SNTG1: variants seen among roughly 807,000 people sequenced by gnomAD.
SNTG1 encodes the protein gamma-1-syntrophin.
In SNTG1, 39 loss-of-function variants were observed where a neutral mutation model predicts 74.7. That is an observed-to-expected ratio of 0.52 (90% CI 0.40 to 0.68). The LOEUF is 0.68. Among genes scored for constraint, SNTG1 ranks in the 30% least tolerant of loss-of-function variants. SNTG1 has a pLI of 0.00. For synonymous variants in SNTG1, 254 were observed against 217.1 expected (o/e 1.17, Z -1.49); for missense variants, 685 against 609.5 (o/e 1.12, Z -1.30).
At chr8:50,045,297 A>G (rs1818985239) in intron 1 of SNTG1, among the ~76,000 whole-genome samples, 1 of 152,202 alleles carries the variant, frequency 6.6e-6, no homozygotes, top group East Asian at 1.9e-4. Context: ...ATCTGCTTCT[A>G]GTGAGAGCCT....
chr8:50,631,389 T>G (rs564463327), intron 13 of SNTG1, among the ~76,000 whole-genome samples: 1 of 152,322 alleles, frequency 6.6e-6, no homozygotes, highest in South Asian at 2.1e-4. Context: ...CTGATTATAT[T>G]ACATTATATT....
chr8:50,381,286 T>A (rs372860647), intron 2 of SNTG1, among the ~76,000 whole-genome samples: 1 of 151,942 alleles, frequency 6.6e-6, no homozygotes, highest in Non-Finnish European at 1.5e-5. Flanking sequence ...CTTTTATCCA[T>A]GGATACAGAA....
intron 2 of SNTG1, among the ~76,000 whole-genome samples, chr8:50,301,535 A>T (rs1270101084): frequency 2.0e-5 from 3 of 152,048 alleles, no homozygotes; most frequent in Admixed American, 6.6e-5. Context: ...ACAATAATTG[A>T]TTTGGAGTCT....
At chr8:50,366,744 T>C (rs961797184) in intron 2 of SNTG1, among the ~76,000 whole-genome samples, 2 of 146,646 alleles carry the variant, frequency 1.4e-5, no homozygotes, top group East Asian at 3.9e-4. Flanking sequence ...TGAATACATA[T>C]ATTTTATATA....
rs574140321 is a variant in SNTG1 at position 50,536,455 on chromosome 8, G to A, written c.550-223G>A. ...AAATACGTTTTCACTAGCACTCTTA[G>A]TCTCAATGATTCCTTTCTTAACTTC... On this transcript the variant is annotated intron_variant, in intron 10 of 18. Transcript: ENST00000642720. Among the ~76,000 whole-genome samples, 610 of 152,098 alleles carry A rather than the reference G, an allele frequency of 4.0e-3. 5 individuals are homozygous for A. The highest frequency in any genetic ancestry group is 7.0e-3 in the Non-Finnish European group (477 of 67,994).
chr8:50,789,728 A>G (rs561348278), intron 18 of SNTG1, among the ~76,000 whole-genome samples: 12 of 151,954 alleles, frequency 7.9e-5, no homozygotes, highest in Admixed American at 2.0e-4. Flanking sequence ...TTTCAATCCA[A>G]TTCTCATAAA....
intron 2 of SNTG1, among the ~76,000 whole-genome samples, chr8:50,257,060 C>G (rs768793539): frequency 4.6e-5 from 7 of 151,824 alleles, no homozygotes; most frequent in Non-Finnish European, 5.9e-5. Flanking sequence ...AGAGGCACAC[C>G]CACCAGCATG....
At chr8:50,139,424 G>A (rs1423159042) in intron 1 of SNTG1, among the ~76,000 whole-genome samples, 1 of 152,200 alleles carries the variant, frequency 6.6e-6, no homozygotes, top group Non-Finnish European at 1.5e-5. Context: ...TAAGCTTTTA[G>A]GCTTTAACCC....
At chr8:50,098,249 T>C (rs561521999) in intron 1 of SNTG1, among the ~76,000 whole-genome samples, 1 of 152,212 alleles carries the variant, frequency 6.6e-6, no homozygotes, top group Non-Finnish European at 1.5e-5. Flanking sequence ...TGCCAACTAA[T>C]TTATCCCAAT....
At chr8:50,345,179 T>G (rs1050062342) in intron 2 of SNTG1, among the ~76,000 whole-genome samples, 2 of 152,314 alleles carry the variant, frequency 1.3e-5, no homozygotes, top group African/African-American at 4.8e-5. Flanking sequence ...ATCAAAGAGA[T>G]AAGTTATCCC....
At chr8:50,454,102 TC>T (rs2093480640) in intron 8 of SNTG1, among the ~76,000 whole-genome samples, 1 of 152,220 alleles carries the variant, frequency 6.6e-6, no homozygotes, top group African/African-American at 2.4e-5. Context: ...CTGATGCTAT[TC>T]TCCTTACCAC....
intron 13 of SNTG1, among the ~76,000 whole-genome samples, chr8:50,655,398 C>T (rs2095173787): frequency 6.6e-6 from 1 of 152,084 alleles, no homozygotes; most frequent in African/African-American, 2.4e-5. Flanking sequence ...GTTATTATAG[C>T]TGGTTCTTAT....
rs1817624211 is a variant in SNTG1 at position 50,030,157 on chromosome 8, A to G, written c.-103+117926A>G. Among the ~76,000 whole-genome samples, 2 of 152,106 alleles carry G rather than the reference A, an allele frequency of 1.3e-5. 1 individual carries two copies. The highest frequency in any genetic ancestry group is 4.1e-4 in the South Asian group (2 of 4,830). On this transcript the variant is annotated intron_variant, in intron 1 of 18. Transcript: ENST00000642720. ...CCAGTTGTATGTCTTCTTTTGAGAAATGTCTATTCACATCTTTTGCCCAAT... is the reference window on the plus strand; with the variant it reads ...CCAGTTGTATGTCTTCTTTTGAGAAGTGTCTATTCACATCTTTTGCCCAAT...
At chr8:49,987,794 G>T (rs559005669) in intron 1 of SNTG1, among the ~76,000 whole-genome samples, 2 of 151,660 alleles carry the variant, frequency 1.3e-5, no homozygotes, top group Non-Finnish European at 2.9e-5. Context: ...GACTACAGGC[G>T]CCCGCCACCA....
intron 10 of SNTG1, among the ~76,000 whole-genome samples, chr8:50,532,851 G>A (rs1339309800): frequency 1.3e-5 from 2 of 152,164 alleles, no homozygotes; most frequent in Non-Finnish European, 2.9e-5. Flanking sequence ...ATTTTCTGAT[G>A]TGTGTTAATT....
chr8:50,364,160 G>A (rs2092041827), intron 2 of SNTG1, among the ~76,000 whole-genome samples: 1 of 152,134 alleles, frequency 6.6e-6, no homozygotes, highest in African/African-American at 2.4e-5. Flanking sequence ...TGCCTTCCTA[G>A]AGGTTGGGGA....
chr8:50,423,009 G>A (rs1202157408), intron 4 of SNTG1, among the ~76,000 whole-genome samples: 1 of 152,146 alleles, frequency 6.6e-6, no homozygotes, highest in Non-Finnish European at 1.5e-5. Context: ...TGGGTTTGGG[G>A]GGGTTAGCTC....
chr8:50,006,074 T>A (rs1236712357), intron 1 of SNTG1, among the ~76,000 whole-genome samples: 1 of 147,876 alleles, frequency 6.8e-6, no homozygotes, highest in Non-Finnish European at 1.5e-5. Context: ...GCGATTCTCC[T>A]GCCTCAGCCT....
intron 1 of SNTG1, among the ~76,000 whole-genome samples, chr8:50,114,388 C>A (rs1009091462): frequency 6.6e-6 from 1 of 152,022 alleles, no homozygotes; most frequent in Non-Finnish European, 1.5e-5. Flanking sequence ...TATGGATGAA[C>A]CTGGAGGACA....
Sources: allele counts gnomAD v4.1 joint callset (sites outside exome capture counted in the v4.1 genomes callset), GRCh38; gene constraint gnomAD v4.1.1; transcripts MANE v1.5; gene names NCBI Gene and HGNC (gene_info 2026-07-23, HGNC 2026-07-21).